The following CACNA2D3 variants were observed in gnomAD, a reference collection of about 807,000 sequenced individuals.
CACNA2D3 encodes voltage-dependent calcium channel subunit alpha-2/delta-3.
CACNA2D3 carries 60 observed loss-of-function variants against 160.6 expected under a neutral mutation model. The ratio of observed to expected loss-of-function variants is 0.37; its 90% CI spans 0.30 to 0.46. The LOEUF (loss-of-function observed/expected upper bound fraction) is 0.46. Among genes scored for constraint, CACNA2D3 ranks in the 20% least tolerant of loss-of-function variants. The pLI is 1.00. For missense variants in CACNA2D3, 1,205 were observed against 1,365.0 expected (o/e 0.88, Z 1.85); for synonymous variants, 558 against 492.9 (o/e 1.13, Z -1.75).
intron 11 of CACNA2D3, among the ~76,000 whole-genome samples, chr3:54,682,019 T>G (rs1700360320): frequency 6.6e-6 from 1 of 152,064 alleles, no homozygotes; most frequent in Non-Finnish European, 1.5e-5. Context: ...ACAACTTAGG[T>G]TCAGAGAAAA....
At chr3:54,269,673 G>A (rs74360536) in intron 2 of CACNA2D3, among the ~76,000 whole-genome samples, 1 of 152,328 alleles carries the variant, frequency 6.6e-6, no homozygotes, top group East Asian at 1.9e-4. Flanking sequence ...CAGTGGCCAG[G>A]GAAGATGTGG....
intron 2 of CACNA2D3, among the ~76,000 whole-genome samples, chr3:54,245,373 TC>T (rs538577354): frequency 2.2e-4 from 34 of 151,998 alleles, no homozygotes; most frequent in Non-Finnish European, 4.3e-4. Flanking sequence ...GAATGATTAT[TC>T]CCTGGGGGAC....
At chr3:54,232,817 A>G (rs1249640650) in intron 2 of CACNA2D3, among the ~76,000 whole-genome samples, 1 of 152,216 alleles carries the variant, frequency 6.6e-6, no homozygotes, top group Non-Finnish European at 1.5e-5. Flanking sequence ...AGAAAGCCAT[A>G]TTGTAAACTG....
intron 5 of CACNA2D3, among the ~76,000 whole-genome samples, chr3:54,533,365 T>C (rs1258963248): frequency 1.4e-5 from 2 of 143,200 alleles, no homozygotes; most frequent in African/African-American, 2.7e-5. Context: ...AGACAGAGTC[T>C]CATTCTGTCA....
chr3:54,741,243 A>G (rs1701641840), intron 11 of CACNA2D3, among the ~76,000 whole-genome samples: 6 of 152,016 alleles, frequency 3.9e-5, no homozygotes. Flanking sequence ...ATACTCTCAG[A>G]CCTTTCCCTG....
intron 27 of CACNA2D3, among the ~76,000 whole-genome samples, chr3:54,955,967 TC>T (rs1176310455): frequency 6.6e-6 from 1 of 152,164 alleles, no homozygotes; most frequent in African/African-American, 2.4e-5. Flanking sequence ...CAGGGCTGAC[TC>T]CCACATATTC....
At chr3:54,284,749 G>T (rs979756910) in intron 2 of CACNA2D3, among the ~76,000 whole-genome samples, 1 of 152,092 alleles carries the variant, frequency 6.6e-6, no homozygotes, top group Non-Finnish European at 1.5e-5. Flanking sequence ...TTAAAATCAG[G>T]ATCAGAGACG....
chr3:54,332,806 G>C (rs914988467), intron 3 of CACNA2D3, among the ~76,000 whole-genome samples: 4 of 152,290 alleles, frequency 2.6e-5, no homozygotes, highest in South Asian at 2.1e-4. Context: ...TTGACCACCT[G>C]TCTGCTTTGT....
intron 4 of CACNA2D3, among the ~76,000 whole-genome samples, chr3:54,433,659 G>A (rs191646043): frequency 6.6e-6 from 1 of 152,218 alleles, no homozygotes; most frequent in African/African-American, 2.4e-5. Flanking sequence ...GACGGCCTGC[G>A]GACCTTTGCA....
intron 3 of CACNA2D3, among the ~76,000 whole-genome samples, chr3:54,346,220 G>A (rs1476050141): frequency 4.6e-5 from 7 of 152,132 alleles, no homozygotes; most frequent in Admixed American, 3.9e-4. Context: ...GTGAGGAGAC[G>A]GATGATAGGA....
intron 27 of CACNA2D3, among the ~76,000 whole-genome samples, chr3:54,903,819 C>CT: frequency 6.6e-6 from 1 of 152,150 alleles, no homozygotes; most frequent in East Asian, 1.9e-4. Flanking sequence ...TGATGTTGAG[C>CT]TTTTTTTCAT....
chr3:54,645,766 A>AGGAACTCCCTAGGAACTTCCCT (rs1699621894), intron 11 of CACNA2D3, among the ~76,000 whole-genome samples: 1 of 152,140 alleles, frequency 6.6e-6, no homozygotes, highest in African/African-American at 2.4e-5. Context: ...GAACTGTCTT[A>AGGAACTCCCTAGGAACTTCCCT]AGGAAGTATA....
In CACNA2D3 at chr3:54,907,211, G is replaced by A. The variant is rs573346008; in HGVS notation, c.2449+7343G>A. Among the ~76,000 whole-genome samples the A allele has an allele frequency of 4.6e-5, 7 of 152,292 alleles. No homozygotes were observed. In the South Asian group the frequency reaches 1.5e-3, roughly 32 times the overall value. On this transcript the variant is annotated intron_variant, in intron 27 of 37. Coordinates refer to ENST00000474759, the MANE Select transcript of CACNA2D3 (RefSeq NM_018398.3). ...GTCATGGTGGGATGTGGACATAAAA[G>A]ACAGTGTGAACTGAGTATTTATGAG...
At chr3:54,303,611 G>A (rs1703527770) in intron 2 of CACNA2D3, among the ~76,000 whole-genome samples, 1 of 152,094 alleles carries the variant, frequency 6.6e-6, no homozygotes, top group Non-Finnish European at 1.5e-5. Context: ...CTCACCCAGG[G>A]TGTTAACTCT....
chr3:54,358,354 T>C (rs377572245), intron 3 of CACNA2D3, among the ~76,000 whole-genome samples: 1 of 152,246 alleles, frequency 6.6e-6, no homozygotes, highest in East Asian at 1.9e-4. Flanking sequence ...TGAAGAAGAA[T>C]ATACAATTTT....
chr3:54,655,213 G>T (rs1416776933), intron 11 of CACNA2D3, among the ~76,000 whole-genome samples: 2 of 152,158 alleles, frequency 1.3e-5, no homozygotes, highest in African/African-American at 2.4e-5. Context: ...GGCTCTTGGG[G>T]GTGTGGGTGG....
chr3:54,989,517 G>A (rs928630503), intron 31 of CACNA2D3, among the ~76,000 whole-genome samples: 1 of 152,192 alleles, frequency 6.6e-6, no homozygotes, highest in African/African-American at 2.4e-5. Flanking sequence ...AGAGCATTGA[G>A]AGTTTGATTT....
intron 11 of CACNA2D3, among the ~76,000 whole-genome samples, chr3:54,751,084 T>C (rs948493489): frequency 1.3e-5 from 2 of 151,986 alleles, no homozygotes; most frequent in Admixed American, 6.6e-5. Context: ...CTTTGCTTTC[T>C]TTTCCCCCCA....
At chr3:54,741,474 C>T (rs1701647836) in intron 11 of CACNA2D3, among the ~76,000 whole-genome samples, 1 of 152,058 alleles carries the variant, frequency 6.6e-6, no homozygotes, top group East Asian at 1.9e-4. Context: ...AAGTAACTTG[C>T]TGGGCAAGGT....
Sources: gnomAD v4.1 joint callset for allele counts (sites outside exome capture counted in the v4.1 genomes callset) on GRCh38, gnomAD v4.1.1 for gene constraint, MANE v1.5 for transcripts, NCBI Gene and HGNC (gene_info 2026-07-23, HGNC 2026-07-21) for gene names.